The following PAXIP1 variants were observed in gnomAD, a reference collection of about 807,000 sequenced individuals.
The protein encoded by PAXIP1 is PAX interacting protein 1.
In PAXIP1, 19 loss-of-function variants were observed where a neutral mutation model predicts 140.6. The observed-to-expected ratio is 0.14, with a 90% CI of 0.09 to 0.20. PAXIP1 has a LOEUF of 0.20. Ranked by LOEUF, PAXIP1 falls within the 10% of genes least tolerant of loss-of-function variation. The pLI is 1.00. For synonymous variants in PAXIP1, 442 were observed against 444.6 expected (o/e 0.99, Z 0.07); for missense variants, 920 against 1,208.6 (o/e 0.76, Z 3.54).
chr7:154,988,768 C>T (rs578131677), intron 4 of PAXIP1, among the ~76,000 whole-genome samples: 9 of 152,258 alleles, frequency 5.9e-5, no homozygotes, highest in African/African-American at 1.4e-4. Flanking sequence ...TCTGGATAGT[C>T]GGCTCTGAGT....
At chr7:154,975,156 C>CA (rs61595965) in intron 6 of PAXIP1, among the ~76,000 whole-genome samples, 232 of 106,726 alleles carry the variant, frequency 2.2e-3, no homozygotes, top group East Asian at 5.5e-3. Context: ...GACTCCATCT[C>CA]AAAAAAAAAA....
chr7:154,970,802 G>A (rs1375570978), intron 6 of PAXIP1, among the ~76,000 whole-genome samples: 1 of 152,228 alleles, frequency 6.6e-6, no homozygotes, highest in Non-Finnish European at 1.5e-5. Context: ...CGAGGGGTGG[G>A]AGGGGGGCTG....
chr7:154,990,915 T>C, intron 4 of PAXIP1, 91 bp downstream of exon 4: 4 of 698,044 alleles, frequency 5.7e-6, no homozygotes, highest in Non-Finnish European at 9.6e-6. Flanking sequence ...ATAGCTTCTC[T>C]AAAACTGGTT....
intron 5 of PAXIP1, among the ~76,000 whole-genome samples, chr7:154,980,950 G>A (rs1021933861): frequency 6.6e-6 from 1 of 152,042 alleles, no homozygotes; most frequent in African/African-American, 2.4e-5. Context: ...CCAACATTTG[G>A]TTTCTACTAA....
chr7:155,002,909 T>C lies in PAXIP1; in HGVS notation c.21A>G (p.Lys7=), dbSNP rs1434479281. Residue 7 remains lysine, a synonymous_variant, in exon 1 of 21, where the codon AAA becomes AAG. Coordinates refer to ENST00000404141, the MANE Select transcript of PAXIP1 (RefSeq NM_007349.4). The stretch of plus-strand genomic sequence containing the variant: ...CCTCCCTGAACATCTCCTCAGGAAC[T>C]TTGGGCGCCTGGTCCGACATGATCG... The part of the protein sequence containing the change: MSDQAP[K]VPEEMFREVK... 7.3e-7 allele frequency: 1 copy of C among 1,373,106 alleles called. No homozygotes were observed. The highest frequency in any genetic ancestry group is 3.6e-5 in the East Asian group (1 of 27,638). The allele number at this position is 1,373,106 out of a possible 1,614,324, so 85.1% of individuals were successfully genotyped here.
chr7:154,968,878 G>A lies in PAXIP1; in HGVS notation c.1323C>T (p.Pro441=), dbSNP rs1391784853. Residue 441 remains proline, a synonymous_variant, in exon 7 of 21, where the codon CCC becomes CCT. Transcript: ENST00000404141. The part of the protein sequence containing the change: ...QQQQISQQPY[P]QQPPHPFSQQ... ...GTGAAAATGGATGCGGCGGCTGCTG[G>A]GGGTAAGGTTGCTGAGAGATCTGCT... 1.0e-5 allele frequency: 10 copies of A among 955,646 alleles called. No homozygotes were observed. The highest frequency in any genetic ancestry group is 7.9e-5 in the East Asian group (3 of 38,014). The allele number at this position is 955,646 out of a possible 1,614,324, so 59.2% of individuals were successfully genotyped here.
intron 15 of PAXIP1, 35 bp downstream of exon 15, chr7:154,955,494 C>T (rs2150745048): frequency 7.7e-7 from 1 of 1,304,868 alleles, no homozygotes; most frequent in South Asian, 1.2e-5. Context: ...AAGGACACTG[C>T]TAAAAATCCT....
chr7:154,986,258 G>A lies in PAXIP1; in HGVS notation c.325-2926C>T, dbSNP rs563250132. ...GTAAAGCTGGGGTCCTGCCTGGCGT[G>A]TGCATGTGAGTGTGTGTGCGCATGG... On this transcript the variant is annotated intron_variant, in intron 4 of 20. Transcript: ENST00000404141. This position sits in a 1 kb window ranked among gnomAD's most constrained non-coding sequence, Gnocchi z 4.8. 1.2e-5 allele frequency: 12 copies of A among 1,024,582 alleles called. No homozygotes were observed. The highest frequency in any genetic ancestry group is 1.5e-5 in the South Asian group (1 of 67,460). 63.5% of individuals were successfully genotyped at this position (1,024,582 alleles called of 1,614,324 possible).
intron 4 of PAXIP1, among the ~76,000 whole-genome samples, chr7:154,988,300 A>G (rs1166902415): frequency 1.3e-5 from 2 of 152,026 alleles, no homozygotes; most frequent in African/African-American, 4.8e-5. Context: ...CACACCTTAC[A>G]TCCACTCTGT....
intron 20 of PAXIP1, chr7:154,944,385 G>A (rs536871252): frequency 2.8e-5 from 12 of 426,306 alleles, no homozygotes; most frequent in African/African-American, 2.4e-4. Flanking sequence ...CAGCACCTGT[G>A]CCAGCTCCGC....
chr7:154,968,353 T>G (rs773178293), intron 7 of PAXIP1, 50 bp downstream of exon 7: 152 of 1,450,602 alleles, frequency 1.0e-4, no homozygotes, highest in Non-Finnish European at 1.4e-4. Flanking sequence ...AAAGCATTTA[T>G]GTGGGTACAA....
At chr7:154,987,327 C>G (rs1298594031) in intron 4 of PAXIP1, among the ~76,000 whole-genome samples, 1 of 152,214 alleles carries the variant, frequency 6.6e-6, no homozygotes, top group Non-Finnish European at 1.5e-5. Flanking sequence ...AATTTATGCT[C>G]TAAATCTTTA....
Position 154,986,277 on chromosome 7 carries a change from C to T in PAXIP1, c.325-2945G>A, listed in dbSNP as rs1228327243. ...TGGCGTGTGCATGTGAGTGTGTGTG[C>T]GCATGGGTGCTCCAGTGTGCAGAAA... On this transcript the variant is annotated intron_variant, in intron 4 of 20. Coordinates refer to ENST00000404141, the MANE Select transcript of PAXIP1 (RefSeq NM_007349.4). This position sits in a 1 kb window ranked among gnomAD's most constrained non-coding sequence, Gnocchi z 4.8. 1.3e-5 allele frequency: 10 copies of T among 763,732 alleles called. No individual in the cohort carries two copies. Among genetic ancestry groups the T allele is most frequent in the African/African-American group, 7.4e-5 (4 of 54,370 alleles). The allele number at this position is 763,732 out of a possible 1,614,324, so 47.3% of individuals were successfully genotyped here.
intron 5 of PAXIP1, among the ~76,000 whole-genome samples, chr7:154,977,779 A>G (rs1437675031): frequency 6.6e-6 from 1 of 152,110 alleles, no homozygotes; most frequent in Non-Finnish European, 1.5e-5. Flanking sequence ...GGCAAAGGGA[A>G]AAAACATATA....
In PAXIP1 at chr7:154,947,551, T is replaced by C. The variant is rs1808045429; in HGVS notation, c.2922+352A>G. On this transcript the variant is annotated intron_variant, in intron 17 of 20. Coordinates refer to ENST00000404141, the MANE Select transcript of PAXIP1 (RefSeq NM_007349.4). ...TACATTTACTGACAATAGTACGAAG[T>C]AAGCGATGTCCTCTAAAGATTTATT... 2.8e-5 allele frequency: 6 copies of C among 214,438 alleles called. No homozygotes were observed. The South Asian group carries it at 5.5e-4, about 20-fold the overall frequency. 13.3% of individuals were successfully genotyped at this position (214,438 alleles called of 1,614,324 possible). A position where few individuals can be genotyped will look rare whatever the true frequency, so the allele number is the denominator to read the frequency against.
In PAXIP1 at chr7:154,946,371, T is replaced by C; in HGVS notation, c.3188A>G (p.Tyr1063Cys). The C allele has an allele frequency of 6.2e-7, 1 of 1,614,014 alleles. No individual in the cohort carries two copies. The highest frequency in any genetic ancestry group is 8.5e-7 in the Non-Finnish European group (1 of 1,179,868). ...LTGVLTQTLD[Y>C]ESYKFN ...TCTCTTTTGGAAAGGATATGATTCA[T>C]AGTCCAGCGTTTGAGTGAGCACTCC... is the stretch of plus-strand genomic sequence containing the variant. The change falls in exon 20 of 21, where the codon TAT becomes TGT. Residue 1063 changes from tyrosine (Y) to cysteine (C), a missense_variant. By Grantham distance (194) the Tyr-to-Cys change is radical. This residue lies in a region of PAXIP1 where 303 missense variants were observed against 517.9 expected (regional missense o/e 0.59). Coordinates refer to ENST00000404141, the MANE Select transcript of PAXIP1 (RefSeq NM_007349.4). The surrounding 1 kb of genome is among the most constrained non-coding windows in gnomAD (Gnocchi z 4.9).
At chr7:154,998,508 A>AAAAAAAAAATAAAT in intron 2 of PAXIP1, 142 bp downstream of exon 2, 1 of 471,298 alleles carries the variant, frequency 2.1e-6, no homozygotes, top group African/African-American at 2.0e-5. Flanking sequence ...ATTCCAGCTC[A>AAAAAAAAAATAAAT]AAAAAATAAA....
intron 5 of PAXIP1, among the ~76,000 whole-genome samples, chr7:154,977,200 G>A (rs1311289065): frequency 6.6e-6 from 1 of 152,012 alleles, no homozygotes; most frequent in African/African-American, 2.4e-5. Context: ...AAGGCACAGG[G>A]GAGGGAATAA....
chr7:154,952,753 CTCAG>C (rs907574778), intron 16 of PAXIP1, among the ~76,000 whole-genome samples: 5 of 152,184 alleles, frequency 3.3e-5, no homozygotes, highest in Admixed American at 6.5e-5. Context: ...CATTCACTAA[CTCAG>C]TGTCTGTGCA....
Sources: gnomAD v4.1 joint callset for allele counts (sites outside exome capture counted in the v4.1 genomes callset) on GRCh38, gnomAD v4.1.1 for gene constraint, gnomAD v4.1.1 regional missense constraint, Gnocchi (gnomAD v3.1) non-coding constraint, MANE v1.5 for transcripts, NCBI Gene and HGNC (gene_info 2026-07-23, HGNC 2026-07-21) for gene names.